The following FRMD4B variants were observed in gnomAD, a reference collection of about 807,000 sequenced individuals.
The protein encoded by FRMD4B is FERM domain containing 4B, also known as FERM domain-containing protein 4B.
FRMD4B carries 74 observed loss-of-function variants against 141.5 expected under a neutral mutation model. That is an observed-to-expected ratio of 0.52 (90% CI 0.43 to 0.63). The LOEUF is 0.63. Among genes scored for constraint, FRMD4B ranks in the 30% least tolerant of loss-of-function variants. The probability of loss-of-function intolerance (pLI) is 0.00; values close to 1 mark genes in which losing one functional copy is unlikely to be tolerated. For missense variants in FRMD4B, 1,366 were observed against 1,253.4 expected (o/e 1.09, Z -1.36); for synonymous variants, 506 against 467.9 (o/e 1.08, Z -1.05).
chr3:69,251,689 G>A (rs999280885), intron 5 of FRMD4B, among the ~76,000 whole-genome samples: 2 of 152,196 alleles, frequency 1.3e-5, no homozygotes, highest in African/African-American at 2.4e-5. Flanking sequence ...TTCAAAGCTC[G>A]CCCATAATCT....
chr3:69,300,207 G>T (rs1701170484), intron 4 of FRMD4B, among the ~76,000 whole-genome samples: 1 of 152,128 alleles, frequency 6.6e-6, no homozygotes, highest in African/African-American at 2.4e-5. Context: ...AAATTCTTTG[G>T]CGTGTGCTTT....
intron 1 of FRMD4B, among the ~76,000 whole-genome samples, chr3:69,322,719 C>T (rs1702051098): frequency 6.6e-6 from 1 of 151,822 alleles, no homozygotes. Flanking sequence ...ACCTCAGCCT[C>T]CTGAATAGCT....
chr3:69,415,880 A>G (rs944382673), intron 2 of FRMD4B, among the ~76,000 whole-genome samples: 4 of 152,210 alleles, frequency 2.6e-5, no homozygotes, highest in African/African-American at 9.7e-5. Context: ...TACTCAGTGT[A>G]TTCGGTTAAC....
intron 2 of FRMD4B, among the ~76,000 whole-genome samples, chr3:69,410,865 C>T (rs1704750128): frequency 6.6e-6 from 1 of 150,612 alleles, no homozygotes; most frequent in South Asian, 2.1e-4. Flanking sequence ...CTCAAGGAAT[C>T]CTCCCATCTC....
At chr3:69,216,716 C>A (rs1248231652) in intron 10 of FRMD4B, among the ~76,000 whole-genome samples, 1 of 152,034 alleles carries the variant, frequency 6.6e-6, no homozygotes. Context: ...AGGTGTGAGC[C>A]ACCACACCTG....
chr3:69,476,781 A>C, intron 1 of FRMD4B, among the ~76,000 whole-genome samples: 1 of 152,200 alleles, frequency 6.6e-6, no homozygotes. Context: ...TTGAATCTAT[A>C]AATTACCTTG....
intron 1 of FRMD4B, among the ~76,000 whole-genome samples, chr3:69,434,483 A>C (rs1007099610): frequency 2.0e-5 from 3 of 152,190 alleles, no homozygotes; most frequent in Non-Finnish European, 4.4e-5. Flanking sequence ...GCAGCACTAT[A>C]AACCAAAGAA....
chr3:69,216,902 T>C (rs1360564240), intron 10 of FRMD4B, among the ~76,000 whole-genome samples: 1 of 152,172 alleles, frequency 6.6e-6, no homozygotes, highest in Non-Finnish European at 1.5e-5. Flanking sequence ...AGCATTACTG[T>C]TTTGATTAAA....
At chr3:69,301,048 A>C (rs1701201593) in intron 4 of FRMD4B, among the ~76,000 whole-genome samples, 1 of 151,734 alleles carries the variant, frequency 6.6e-6, no homozygotes, top group South Asian at 2.1e-4. Context: ...CTGCAACCCA[A>C]ATTTTAATAA....
At position 69,426,967 on chromosome 3, in the gene FRMD4B, A is replaced by G. The variant is rs1247915227; in HGVS notation, c.-1+5667T>C. 2.6e-5 allele frequency among the ~76,000 whole-genome samples: 4 copies of G among 152,166 alleles called. No homozygotes were observed. The East Asian group carries it at 5.8e-4, about 22-fold the overall frequency. ...CCTCATAGATTTTGGAAATGTGACT[A>G]TTTATAGGGATTCTTATTTTTTTAT... On this transcript the variant is annotated intron_variant, in intron 2 of 5. Coordinates refer to the FRMD4B transcript ENST00000459638.
At chr3:69,337,614 A>C (rs1559814558) in intron 1 of FRMD4B, among the ~76,000 whole-genome samples, 3 of 152,338 alleles carry the variant, frequency 2.0e-5, no homozygotes, top group Non-Finnish European at 2.9e-5. Context: ...TTACAAGAAA[A>C]AAACAAACAA....
chr3:69,233,511 G>A (rs979237076), intron 7 of FRMD4B, among the ~76,000 whole-genome samples: 1 of 151,750 alleles, frequency 6.6e-6, no homozygotes, highest in Non-Finnish European at 1.5e-5. Context: ...ATTAACTTGG[G>A]TCTGGAGTTC....
rs369488988 is a variant in FRMD4B, at chr3:69,196,301, C to G, written c.1188G>C (p.Thr396=). Residue 396 remains threonine (T), a synonymous_variant, in exon 14 of 23, where the codon ACG becomes ACC. Coordinates refer to ENST00000398540, the MANE Select transcript of FRMD4B (RefSeq NM_015123.3). ...TACTTGCCATGATGAACTGACTTTT[C>G]GTCTCCAGTGTCACCAGCTTGGAGG... The part of the protein sequence containing the change: ...QRASKLVTLE[T]KSQFIMASNG... 2.5e-6 allele frequency: 4 copies of G among 1,608,114 alleles called. No homozygotes were observed. The African/African-American group carries it at 5.4e-5, about 22-fold the overall frequency.
chr3:69,488,027 GGAAAGAAAAA>G (rs1477131372), intron 1 of FRMD4B, among the ~76,000 whole-genome samples: 1 of 143,282 alleles, frequency 7.0e-6, no homozygotes, highest in Non-Finnish European at 1.5e-5. Context: ...AGAGGAAAAG[GGAAAGAAAAA>G]GAAAGAGAAA....
At chr3:69,203,301 G>T in intron 11 of FRMD4B, among the ~76,000 whole-genome samples, 1 of 129,284 alleles carries the variant, frequency 7.7e-6, no homozygotes, top group African/African-American at 3.0e-5. Context: ...AAATATCTGA[G>T]GGTACTGTCA....
chr3:69,341,459 T>A (rs1253703326), intron 1 of FRMD4B, among the ~76,000 whole-genome samples: 1 of 152,234 alleles, frequency 6.6e-6, no homozygotes, highest in Admixed American at 6.5e-5. Context: ...GTATGATTCC[T>A]GCTCCCAGAG....
At chr3:69,454,944 G>C (rs897074292) in intron 1 of FRMD4B, among the ~76,000 whole-genome samples, 7 of 152,220 alleles carry the variant, frequency 4.6e-5, no homozygotes, top group Admixed American at 1.3e-4. Flanking sequence ...GATTGTGTAT[G>C]CGCCCATCAG....
At chr3:69,442,096 C>A (rs1468685081) in intron 1 of FRMD4B, among the ~76,000 whole-genome samples, 2 of 142,416 alleles carry the variant, frequency 1.4e-5, no homozygotes, top group Admixed American at 7.0e-5. Flanking sequence ...AAAGAAGTTT[C>A]TTTTTTTTTT....
At chr3:69,259,966 G>A (rs528453434) in intron 5 of FRMD4B, among the ~76,000 whole-genome samples, 67 of 152,240 alleles carry the variant, frequency 4.4e-4, no homozygotes, top group African/African-American at 1.5e-3. Context: ...TAATGAAATC[G>A]CTTTATAGTG....
Sources: gnomAD v4.1 joint callset for allele counts (sites outside exome capture counted in the v4.1 genomes callset) on GRCh38, gnomAD v4.1.1 for gene constraint, MANE v1.5 for transcripts, NCBI Gene and HGNC (gene_info 2026-07-23, HGNC 2026-07-21) for gene names.